Variants in SLC25A21 observed in about 807,000 individuals in gnomAD.
The protein encoded by SLC25A21 is mitochondrial 2-oxodicarboxylate carrier.
SLC25A21 carries 47 observed loss-of-function variants against 43.8 expected under a neutral mutation model. That is an observed-to-expected ratio of 1.07 (90% CI 0.85 to 1.37). SLC25A21 has a LOEUF of 1.37. Among genes scored for constraint, SLC25A21 ranks in the 40% most tolerant of loss-of-function variants. The pLI is 0.00. For missense variants in SLC25A21, 352 were observed against 350.2 expected, an observed-to-expected ratio of 1.00 and a Z score of -0.04; for synonymous variants, 131 against 121.3, an observed-to-expected ratio of 1.08 and a Z score of -0.52.
intron 1 of SLC25A21, among the ~76,000 whole-genome samples, chr14:37,133,647 C>G (rs750699275): frequency 6.6e-6 from 1 of 151,858 alleles, no homozygotes; most frequent in Non-Finnish European, 1.5e-5. Context: ...AAACCACCAA[C>G]ACCTGCCCTA....
chr14:36,821,305 A>G (rs1888622186), intron 2 of SLC25A21, among the ~76,000 whole-genome samples: 1 of 151,646 alleles, frequency 6.6e-6, no homozygotes, highest in Non-Finnish European at 1.5e-5. Context: ...CCCTCCAGAA[A>G]GAGCACATCA....
intron 2 of SLC25A21, among the ~76,000 whole-genome samples, chr14:36,869,900 GTT>G (rs1207108721): frequency 2.7e-4 from 41 of 152,110 alleles, no homozygotes; most frequent in Admixed American, 2.7e-3. Flanking sequence ...AAAATTCCAC[GTT>G]CAACAAGCCC....
At chr14:37,089,855 T>C (rs1175056827) in intron 1 of SLC25A21, among the ~76,000 whole-genome samples, 1 of 152,212 alleles carries the variant, frequency 6.6e-6, no homozygotes, top group African/African-American at 2.4e-5. Context: ...TGATGTCTTA[T>C]CTAATTGCCC....
chr14:36,929,030 T>C (rs1187279898), intron 1 of SLC25A21, among the ~76,000 whole-genome samples: 1 of 152,192 alleles, frequency 6.6e-6, no homozygotes, highest in Non-Finnish European at 1.5e-5. Flanking sequence ...AACGGTCTCA[T>C]ATGACTCCAT....
At chr14:36,945,299 C>T (rs1474843724) in intron 1 of SLC25A21, among the ~76,000 whole-genome samples, 1 of 152,140 alleles carries the variant, frequency 6.6e-6, no homozygotes, top group Non-Finnish European at 1.5e-5. Context: ...CCAAGTGAGA[C>T]ATCTCATTTT....
At chr14:36,775,635 G>A (rs920481875) in intron 3 of SLC25A21, among the ~76,000 whole-genome samples, 19 of 152,244 alleles carry the variant, frequency 1.2e-4, no homozygotes, top group Admixed American at 3.9e-4. Flanking sequence ...GAAAGGATAA[G>A]AGTCTTTTAT....
At chr14:36,867,089 C>T (rs1392149062) in intron 2 of SLC25A21, among the ~76,000 whole-genome samples, 2 of 152,076 alleles carry the variant, frequency 1.3e-5, no homozygotes, top group African/African-American at 4.8e-5. Flanking sequence ...CACACACTCC[C>T]TCAGCACCCT....
intron 1 of SLC25A21, among the ~76,000 whole-genome samples, chr14:36,946,749 G>T (rs1201413726): frequency 6.6e-6 from 1 of 152,108 alleles, no homozygotes; most frequent in Non-Finnish European, 1.5e-5. Context: ...GTGAATGATG[G>T]CCACCCCATA....
chr14:36,788,282 A>C (rs1384387084), intron 3 of SLC25A21, among the ~76,000 whole-genome samples: 1 of 151,948 alleles, frequency 6.6e-6, no homozygotes, highest in Admixed American at 6.6e-5. Flanking sequence ...GGAGATTGGC[A>C]CTGAAGGATT....
In SLC25A21 at chr14:36,680,189, ATAATT is replaced by A. The variant is rs1667676429; in HGVS notation, c.*464_*468del. 2.4e-6 allele frequency: 2 copies of A among 838,472 alleles called. No individual in the cohort carries two copies. Among genetic ancestry groups the A allele is most frequent in the Admixed American group, 6.2e-5 (1 of 16,060 alleles). The allele number at this position is 838,472 out of a possible 1,614,324, so 51.9% of individuals were successfully genotyped here. On this transcript the variant is annotated 3_prime_UTR_variant, in exon 10 of 10. Coordinates refer to ENST00000331299, the MANE Select transcript of SLC25A21 (RefSeq NM_030631.4). ...GTGCTCTTTAAATATTATTTATGGA[ATAATT>A]TAATTCATTATAAAAACTGCTTAAA...
At chr14:36,964,916 A>C (rs1478101514) in intron 1 of SLC25A21, among the ~76,000 whole-genome samples, 1 of 152,190 alleles carries the variant, frequency 6.6e-6, no homozygotes, top group East Asian at 1.9e-4. Context: ...TTATTAATTT[A>C]GTTTTTTTTC....
At chr14:36,801,208 G>A (rs1056501624) in intron 3 of SLC25A21, among the ~76,000 whole-genome samples, 2 of 152,078 alleles carry the variant, frequency 1.3e-5, no homozygotes, top group East Asian at 1.9e-4. Flanking sequence ...TGCTCATCTC[G>A]ATAGCTTTCC....
intron 1 of SLC25A21, among the ~76,000 whole-genome samples, chr14:37,157,318 T>C (rs1963868257): frequency 6.6e-6 from 1 of 151,890 alleles, no homozygotes; most frequent in Non-Finnish European, 1.5e-5. Context: ...GCCAAGATAG[T>C]GCCACTGCAC....
chr14:37,011,265 C>T (rs915015305), intron 1 of SLC25A21, among the ~76,000 whole-genome samples: 2 of 152,144 alleles, frequency 1.3e-5, no homozygotes, highest in Non-Finnish European at 2.9e-5. Context: ...TCAAGAGATC[C>T]TCCCAAAGGG....
chr14:36,858,492 TA>T (rs1233777938), intron 2 of SLC25A21, among the ~76,000 whole-genome samples: 1 of 152,214 alleles, frequency 6.6e-6, no homozygotes, highest in Non-Finnish European at 1.5e-5. Context: ...AACTTTTCTG[TA>T]AAATCCCAGA....
At chr14:36,928,950 T>C (rs921743827) in intron 1 of SLC25A21, among the ~76,000 whole-genome samples, 1 of 152,170 alleles carries the variant, frequency 6.6e-6, no homozygotes, top group African/African-American at 2.4e-5. Context: ...TATAAAAAAC[T>C]ACACATAGAA....
intron 7 of SLC25A21, 152 bp downstream of exon 7, chr14:36,711,166 G>T: frequency 1.5e-6 from 1 of 680,530 alleles, no homozygotes; most frequent in Non-Finnish European, 2.4e-6. Context: ...TTGAAGCAGG[G>T]ATAACAGCAC....
intron 1 of SLC25A21, among the ~76,000 whole-genome samples, chr14:36,968,402 G>A (rs1256276943): frequency 6.6e-6 from 1 of 152,110 alleles, no homozygotes; most frequent in Admixed American, 6.5e-5. Context: ...ATGTAGTGGA[G>A]CAGTGAATTC....
intron 1 of SLC25A21, among the ~76,000 whole-genome samples, chr14:36,971,704 G>T (rs1378146151): frequency 6.6e-6 from 1 of 151,980 alleles, no homozygotes; most frequent in Admixed American, 6.6e-5. Context: ...CCACCCACAT[G>T]TGTCCATGTC....
Sources: allele counts gnomAD v4.1 joint callset (sites outside exome capture counted in the v4.1 genomes callset), GRCh38; gene constraint gnomAD v4.1.1; transcripts MANE v1.5; gene names NCBI Gene and HGNC (gene_info 2026-07-23, HGNC 2026-07-21).